MTUS2: variants seen among roughly 807,000 people sequenced by gnomAD.
MTUS2 encodes the protein microtubule-associated tumor suppressor candidate 2.
MTUS2 carries 40 observed loss-of-function variants against 114.1 expected under a neutral mutation model. The observed-to-expected ratio is 0.35, with a 90% confidence interval of 0.27 to 0.46. MTUS2 has a LOEUF of 0.46. Among genes scored for constraint, MTUS2 ranks in the 20% least tolerant of loss-of-function variants. The pLI is 1.00. For missense variants in MTUS2, 1,679 were observed against 1,705.4 expected (o/e 0.98, Z 0.27); for synonymous variants, 688 against 672.0 (o/e 1.02, Z -0.37).
chr13:29,359,815 G>A (rs1870076431), intron 8 of MTUS2, among the ~76,000 whole-genome samples: 1 of 152,132 alleles, frequency 6.6e-6, no homozygotes, highest in Non-Finnish European at 1.5e-5. Flanking sequence ...CATTTTCGAG[G>A]GGAGATGGTC....
At chr13:29,309,058 C>T (rs763022014) in intron 6 of MTUS2, among the ~76,000 whole-genome samples, 12 of 152,130 alleles carry the variant, frequency 7.9e-5, no homozygotes, top group Non-Finnish European at 1.3e-4. Context: ...CCATTTGACC[C>T]GGCAATCCCA....
chr13:29,265,141 T>C (rs913383164), intron 5 of MTUS2, among the ~76,000 whole-genome samples: 1 of 152,228 alleles, frequency 6.6e-6, no homozygotes, highest in South Asian at 2.1e-4. Context: ...GACACTTTGC[T>C]GTTGAGAAAT....
intron 2 of MTUS2, among the ~76,000 whole-genome samples, chr13:29,002,488 A>C (rs1053867241): frequency 6.6e-6 from 1 of 152,234 alleles, no homozygotes; most frequent in African/African-American, 2.4e-5. Context: ...TTCAGATGAT[A>C]TGAAAATAGG....
chr13:29,024,196 A>G (rs1886408650), intron 2 of MTUS2, among the ~76,000 whole-genome samples: 1 of 152,210 alleles, frequency 6.6e-6, no homozygotes, highest in Admixed American at 6.5e-5. Context: ...TTAAATCAGT[A>G]TCAGTATAGA....
At chr13:28,971,147 C>T (rs1883838435) in intron 2 of MTUS2, among the ~76,000 whole-genome samples, 1 of 152,146 alleles carries the variant, frequency 6.6e-6, no homozygotes, top group Admixed American at 6.5e-5. Context: ...TTTTCAAATA[C>T]TATGGGAAAG....
At chr13:29,203,353 C>T (rs1023211833) in intron 5 of MTUS2, among the ~76,000 whole-genome samples, 1 of 152,084 alleles carries the variant, frequency 6.6e-6, no homozygotes, top group Admixed American at 6.5e-5. Context: ...ATGGTGGATA[C>T]CCCTTTCTCC....
At chr13:29,420,662 C>A (rs1244884317) in intron 8 of MTUS2, among the ~76,000 whole-genome samples, 1 of 152,216 alleles carries the variant, frequency 6.6e-6, no homozygotes, top group Admixed American at 6.5e-5. Flanking sequence ...TTCTATTTAA[C>A]GTATGTCAAA....
chr13:29,011,162 T>G (rs1824258375), intron 2 of MTUS2, among the ~76,000 whole-genome samples: 1 of 152,224 alleles, frequency 6.6e-6, no homozygotes, highest in Non-Finnish European at 1.5e-5. Context: ...TTGATTAAAA[T>G]GGATGTGTTT....
chr13:28,830,848 A>T (rs1268493584), intron 1 of MTUS2, among the ~76,000 whole-genome samples: 4 of 152,212 alleles, frequency 2.6e-5, no homozygotes, highest in Non-Finnish European at 1.5e-5. Context: ...ACTGGAGGCT[A>T]GAAGATAGTG....
At chr13:28,865,176 A>G (rs1464315146) in intron 2 of MTUS2, among the ~76,000 whole-genome samples, 2 of 152,160 alleles carry the variant, frequency 1.3e-5, no homozygotes, top group Non-Finnish European at 2.9e-5. Flanking sequence ...AGTAGATGAC[A>G]TGTATGGCTC....
rs1306659713 is a variant in MTUS2 at position 28,983,340 on chromosome 13, A to G, written c.-242-41117A>G. 2.6e-5 allele frequency among the ~76,000 whole-genome samples: 4 copies of G among 152,216 alleles called. No individual in the cohort carries two copies. In the East Asian group the frequency reaches 7.7e-4, roughly 29 times the overall value. ...TGACCATCTTCTGTAACTTCTGTCC[A>G]GGACAGTGGCCAGAAGCCATGTGTG... is the stretch of plus-strand genomic sequence containing the variant. On this transcript the variant is annotated intron_variant, in intron 2 of 15. Transcript: ENST00000612955.
upstream of MTUS2, among the ~76,000 whole-genome samples, chr13:28,819,987 G>A (rs1251389489): frequency 6.8e-6 from 1 of 147,284 alleles, no homozygotes; most frequent in East Asian, 2.0e-4. Context: ...GCGGCCGGGA[G>A]GGGGTGCGCG....
chr13:29,231,333 A>G (rs936996475), intron 5 of MTUS2, among the ~76,000 whole-genome samples: 95 of 152,204 alleles, frequency 6.2e-4, no homozygotes, highest in African/African-American at 2.1e-3. Context: ...CCAACACACA[A>G]AACTAAATAC....
At chr13:29,435,845 C>T (rs776907860) in intron 8 of MTUS2, among the ~76,000 whole-genome samples, 2 of 152,208 alleles carry the variant, frequency 1.3e-5, no homozygotes, top group South Asian at 2.1e-4. Context: ...CTGGCCTCAG[C>T]GAGCCAGAGC....
intron 8 of MTUS2, among the ~76,000 whole-genome samples, chr13:29,412,979 G>A (rs553235431): frequency 3.7e-4 from 57 of 152,220 alleles, no homozygotes; most frequent in African/African-American, 1.2e-3. Flanking sequence ...AGCCAGCAAC[G>A]GTTGAGTTTT....
intron 4 of MTUS2, among the ~76,000 whole-genome samples, chr13:29,050,909 T>A (rs1056264333): frequency 2.0e-5 from 3 of 151,968 alleles, no homozygotes; most frequent in Admixed American, 6.6e-5. Context: ...AAAGCCAGTG[T>A]GGGTGGAGTA....
intron 14 of MTUS2, 99 bp from the exon 15 acceptor site, chr13:29,500,998 C>A: frequency 1.2e-6 from 1 of 860,404 alleles, no homozygotes. Context: ...TTGCAAAATG[C>A]TGTTCTTGAT....
intron 1 of MTUS2, among the ~76,000 whole-genome samples, chr13:28,823,508 A>T (rs1444090063): frequency 6.6e-6 from 1 of 152,150 alleles, no homozygotes; most frequent in African/African-American, 2.4e-5. Flanking sequence ...TCTATCAATT[A>T]CCCATCCATC....
At chr13:28,970,267 ATGT>A (rs1883792280) in intron 2 of MTUS2, among the ~76,000 whole-genome samples, 1 of 152,244 alleles carries the variant, frequency 6.6e-6, no homozygotes, top group African/African-American at 2.4e-5. Context: ...AGATCTTTAT[ATGT>A]ACAAATGTAG....
Sources: allele counts gnomAD v4.1 joint callset (sites outside exome capture counted in the v4.1 genomes callset), GRCh38; gene constraint gnomAD v4.1.1; transcripts MANE v1.5; gene names NCBI Gene and HGNC (gene_info 2026-07-23, HGNC 2026-07-21).